Variants in EYA1 observed in about 807,000 individuals in gnomAD.
EYA1 encodes EYA transcriptional coactivator and phosphatase 1.
A neutral mutation model predicts 82.0 loss-of-function variants in EYA1; 16 were observed. The observed-to-expected ratio is 0.20, with a 90% CI of 0.13 to 0.30. The LOEUF (loss-of-function observed/expected upper bound fraction) is 0.30, where lower values mean the gene tolerates loss of function less well. Among genes scored for constraint, EYA1 ranks in the 10% least tolerant of loss-of-function variants. EYA1 has a pLI of 1.00. For missense variants in EYA1, 633 were observed against 730.7 expected (o/e 0.87, Z 1.54); for synonymous variants, 261 against 264.4 (o/e 0.99, Z 0.12).
chr8:71,400,033 C>G (rs554311180), intron 2 of EYA1, among the ~76,000 whole-genome samples: 1 of 151,264 alleles, frequency 6.6e-6, no homozygotes, highest in East Asian at 1.9e-4. Context: ...ACCTGAGAAA[C>G]AGCAATGGGG....
intron 16 of EYA1, among the ~76,000 whole-genome samples, chr8:71,213,258 A>G (rs755742915): frequency 6.6e-6 from 1 of 152,112 alleles, no homozygotes; most frequent in Non-Finnish European, 1.5e-5. Flanking sequence ...TATCATTTTC[A>G]AATTATTTGG....
chr8:71,424,954 T>C (rs1052626171), intron 2 of EYA1, among the ~76,000 whole-genome samples: 37 of 151,946 alleles, frequency 2.4e-4, no homozygotes, highest in Admixed American at 9.8e-4. Flanking sequence ...TGTTCCACAT[T>C]GTTTCTAAGA....
intron 2 of EYA1, among the ~76,000 whole-genome samples, chr8:71,447,331 C>G (rs111972971): frequency 6.6e-6 from 1 of 152,000 alleles, no homozygotes; most frequent in South Asian, 2.1e-4. Flanking sequence ...GTAAAGTCTG[C>G]AAAAGGCCAG....
At chr8:71,463,612 TCTCTCTCTCTCTCTCTCTCTCC>T (rs1808547867) in intron 2 of EYA1, among the ~76,000 whole-genome samples, 3 of 134,162 alleles carry the variant, frequency 2.2e-5, no homozygotes, top group East Asian at 4.4e-4. Context: ...TCTCTCTCTC[TCTCTCTCTCTCTCTCTCTCTCC>T]CTCCCTCCCC....
At chr8:71,478,408 T>C (rs1032533662) in intron 2 of EYA1, among the ~76,000 whole-genome samples, 4 of 152,108 alleles carry the variant, frequency 2.6e-5, no homozygotes, top group African/African-American at 9.7e-5. Context: ...ATAGAGCCCA[T>C]CTATACAAAC....
chr8:71,501,540 T>C (rs960062404), intron 2 of EYA1, among the ~76,000 whole-genome samples: 12 of 152,316 alleles, frequency 7.9e-5, no homozygotes, highest in Middle Eastern at 3.4e-3. Context: ...ATTTAGATGA[T>C]TGAAAGCATA....
chr8:71,378,790 A>G (rs1828524632), intron 2 of EYA1, among the ~76,000 whole-genome samples: 2 of 152,218 alleles, frequency 1.3e-5, no homozygotes, highest in African/African-American at 2.4e-5. Context: ...ACATAATCAC[A>G]ATTTCAAATG....
chr8:71,475,097 C>T lies in EYA1; in HGVS notation c.33+60647G>A, dbSNP rs990248893. Among the ~76,000 whole-genome samples, 7 of 152,248 alleles carry T rather than the reference C, an allele frequency of 4.6e-5. No individual in the cohort carries two copies. The South Asian group carries it at 1.4e-3, about 32-fold the overall frequency. On this transcript the variant is annotated intron_variant, in intron 2 of 18. Coordinates refer to the EYA1 transcript ENST00000643681. ...CAGTGAGCCGAGATCATACATTGCACTCCAGCCTGGGCAATAAGAGCGAAA... is the reference window on the plus strand; with the variant it reads ...CAGTGAGCCGAGATCATACATTGCATTCCAGCCTGGGCAATAAGAGCGAAA...
rs1320073922 is a variant in EYA1, at chr8:71,410,389, C to G, written c.34-53878G>C. On this transcript the variant is annotated intron_variant, in intron 2 of 18. Transcript: ENST00000643681. ...GGAAGTTCTGGCCAGGGCAATCAGGCAGGAGAAGGAAATAAAGGGTATTCA... is the reference window on the plus strand; with the variant it reads ...GGAAGTTCTGGCCAGGGCAATCAGGGAGGAGAAGGAAATAAAGGGTATTCA... Among the ~76,000 whole-genome samples the G allele has an allele frequency of 4.9e-5, 5 of 101,864 alleles. No individual in the cohort carries two copies. In the East Asian group the frequency reaches 1.2e-3, roughly 25 times the overall value. The allele number at this position is 101,864 out of a possible 152,430, so 66.8% of individuals were successfully genotyped here.
chr8:71,382,144 C>T (rs1586594787), intron 2 of EYA1, among the ~76,000 whole-genome samples: 3 of 151,914 alleles, frequency 2.0e-5, no homozygotes, highest in African/African-American at 7.3e-5. Flanking sequence ...AGTAGAACCG[C>T]AGATGAATTA....
chr8:71,263,247 G>A (rs1005792434), intron 11 of EYA1, among the ~76,000 whole-genome samples: 3 of 152,272 alleles, frequency 2.0e-5, no homozygotes, highest in African/African-American at 4.8e-5. Flanking sequence ...GTGTGTGCCT[G>A]TCTCAGCCTA....
Position 71,434,662 on chromosome 8 carries a change from C to G in EYA1, c.34-78151G>C, listed in dbSNP as rs1805874128. Among the ~76,000 whole-genome samples the G allele has an allele frequency of 2.0e-5, 3 of 152,088 alleles. No individual in the cohort carries two copies. In the South Asian group the frequency reaches 6.2e-4, roughly 32 times the overall value. On this transcript the variant is annotated intron_variant, in intron 2 of 18. Transcript: ENST00000643681. ...AACTGTAAAGTTGTTCAGCTTCTACCTAACCACACAGGCAAATGTGAATTG... is the reference window on the plus strand; with the variant it reads ...AACTGTAAAGTTGTTCAGCTTCTACGTAACCACACAGGCAAATGTGAATTG...
chr8:71,542,694 T>G (rs1815241167), intron 1 of EYA1, among the ~76,000 whole-genome samples: 1 of 152,204 alleles, frequency 6.6e-6, no homozygotes, highest in African/African-American at 2.4e-5. Context: ...AGTATAAGCA[T>G]TCCTTTTTCT....
At chr8:71,200,297 A>AATT (rs1806813355) in intron 17 of EYA1, among the ~76,000 whole-genome samples, 3 of 152,226 alleles carry the variant, frequency 2.0e-5, no homozygotes, top group Admixed American at 2.0e-4. Flanking sequence ...AGTTCTGAGA[A>AATT]ATTTGGAAAA....
At chr8:71,201,302 G>A (rs1156716314) in intron 17 of EYA1, among the ~76,000 whole-genome samples, 2 of 146,002 alleles carry the variant, frequency 1.4e-5, no homozygotes, top group South Asian at 4.3e-4. Flanking sequence ...AGCTGGTAAG[G>A]AGTGAAGCCA....
At chr8:71,231,637 C>G (rs1390016908) in intron 12 of EYA1, among the ~76,000 whole-genome samples, 1 of 152,230 alleles carries the variant, frequency 6.6e-6, no homozygotes, top group Non-Finnish European at 1.5e-5. Context: ...GGCTCCTTGA[C>G]AGCAAAGAAT....
upstream of EYA1, among the ~76,000 whole-genome samples, chr8:71,363,026 A>G (rs1258753363): frequency 1.3e-5 from 2 of 152,108 alleles, no homozygotes; most frequent in Non-Finnish European, 2.9e-5. Flanking sequence ...GATACTAGTC[A>G]CTCGTTGTAA....
intron 2 of EYA1, among the ~76,000 whole-genome samples, chr8:71,433,013 T>G (rs192335576): frequency 6.6e-6 from 1 of 152,176 alleles, no homozygotes; most frequent in Non-Finnish European, 1.5e-5. Context: ...CCTTCTCTGT[T>G]TCAGGAAGCA....
intron 2 of EYA1, among the ~76,000 whole-genome samples, chr8:71,417,584 T>C (rs1457887588): frequency 6.6e-6 from 1 of 152,162 alleles, no homozygotes; most frequent in Non-Finnish European, 1.5e-5. Flanking sequence ...AGCTCCTATT[T>C]ACATTATAAA....
Sources: allele counts gnomAD v4.1 joint callset (sites outside exome capture counted in the v4.1 genomes callset), GRCh38; gene constraint gnomAD v4.1.1; transcripts MANE v1.5; gene names NCBI Gene and HGNC (gene_info 2026-07-23, HGNC 2026-07-21).